Variants in CAMK1D observed in about 807,000 individuals in gnomAD.
The protein encoded by CAMK1D is calcium/calmodulin-dependent protein kinase type 1D.
A neutral mutation model predicts 47.7 loss-of-function variants in CAMK1D; 9 were observed. The ratio of observed to expected loss-of-function variants is 0.19; its 90% CI spans 0.11 to 0.33. The LOEUF is 0.33. Ranked by LOEUF, CAMK1D falls within the 10% of genes least tolerant of loss-of-function variation. The pLI is 1.00. For missense variants in CAMK1D, 291 were observed against 488.7 expected (o/e 0.60, Z 3.81); for synonymous variants, 184 against 184.9 (o/e 0.99, Z 0.04).
At chr10:12,734,553 T>C (rs898942630) in intron 3 of CAMK1D, among the ~76,000 whole-genome samples, 4 of 147,922 alleles carry the variant, frequency 2.7e-5, no homozygotes, top group African/African-American at 1.0e-4. Context: ...TATATATGTA[T>C]ATATATACAC....
At chr10:12,721,474 G>A (rs901880621) in intron 3 of CAMK1D, among the ~76,000 whole-genome samples, 15 of 152,022 alleles carry the variant, frequency 9.9e-5, no homozygotes, top group African/African-American at 3.6e-4. Flanking sequence ...ATGGCTCCAA[G>A]CTTCAAAATT....
chr10:12,786,715 T>C (rs975889436), intron 5 of CAMK1D, among the ~76,000 whole-genome samples: 9 of 152,224 alleles, frequency 5.9e-5, no homozygotes, highest in Non-Finnish European at 1.2e-4. Context: ...AGCCACTACA[T>C]GTAGCCCAGG....
chr10:12,727,017 A>G (rs1325316243), intron 3 of CAMK1D, among the ~76,000 whole-genome samples: 2 of 152,196 alleles, frequency 1.3e-5, no homozygotes, highest in South Asian at 2.1e-4. Flanking sequence ...CCCCACACCC[A>G]GGCTCCCCTT....
intron 1 of CAMK1D, among the ~76,000 whole-genome samples, chr10:12,538,088 G>T (rs548165964): frequency 6.6e-6 from 1 of 152,118 alleles, no homozygotes; most frequent in Non-Finnish European, 1.5e-5. Context: ...GATCTTTCCT[G>T]TTCTGCGCAC....
chr10:12,674,962 TG>T (rs1186098656), intron 3 of CAMK1D, among the ~76,000 whole-genome samples: 1 of 138,022 alleles, frequency 7.2e-6, no homozygotes, highest in Non-Finnish European at 1.5e-5. Flanking sequence ...ACCTGGGAGG[TG>T]GAGGTTGCAG....
At chr10:12,478,610 G>T (rs1021097615) in intron 1 of CAMK1D, among the ~76,000 whole-genome samples, 1 of 152,084 alleles carries the variant, frequency 6.6e-6, no homozygotes, top group Non-Finnish European at 1.5e-5. Flanking sequence ...GTAATACGGG[G>T]TGCACTTTTA....
chr10:12,819,415 G>A (rs373947342), intron 8 of CAMK1D, among the ~76,000 whole-genome samples: 1 of 152,344 alleles, frequency 6.6e-6, no homozygotes, highest in African/African-American at 2.4e-5. Flanking sequence ...GCAGGAACTG[G>A]CAGGCAGGGC....
intron 3 of CAMK1D, among the ~76,000 whole-genome samples, chr10:12,734,570 G>A (rs12245302): frequency 2.8e-5 from 4 of 143,870 alleles, no homozygotes; most frequent in Admixed American, 7.0e-5. Flanking sequence ...ACACATATGT[G>A]TATATATATA....
chr10:12,469,568 A>G (rs1466888727), intron 1 of CAMK1D, among the ~76,000 whole-genome samples: 2 of 152,204 alleles, frequency 1.3e-5, no homozygotes. Flanking sequence ...TAATTCATAA[A>G]CACATAACTA....
At chr10:12,756,101 A>G (rs1234797775) in intron 3 of CAMK1D, among the ~76,000 whole-genome samples, 1 of 152,212 alleles carries the variant, frequency 6.6e-6, no homozygotes, top group African/African-American at 2.4e-5. Context: ...CTGCTCTCAC[A>G]GCATTGTACT....
intron 6 of CAMK1D, among the ~76,000 whole-genome samples, chr10:12,796,262 G>A (rs545521341): frequency 1.2e-4 from 18 of 152,286 alleles, no homozygotes; most frequent in Admixed American, 3.9e-4. Context: ...CAGGCTGGAC[G>A]GGTGGGCTGA....
At position 12,410,301 on chromosome 10, in the gene CAMK1D, C is replaced by CTG. The variant is rs374152730; in HGVS notation, c.92+60393_92+60394dup. On this transcript the variant is annotated intron_variant, in intron 1 of 10. Transcript: ENST00000619168. ...TCTCTTTCTGTGTGTGTGTGTAACTCTGTATTTTCTTGAGTGTGTATCTCT... is the reference window on the plus strand; with the variant it reads ...TCTCTTTCTGTGTGTGTGTGTAACTCTGTGTATTTTCTTGAGTGTGTATCTCT... Among the ~76,000 whole-genome samples the CTG allele has an allele frequency of 1.1e-3, 163 of 152,258 alleles. 1 individual carries two copies. The highest frequency in any genetic ancestry group is 3.7e-3 in the African/African-American group (154 of 41,570).
chr10:12,823,747 C>T (rs964354444), intron 8 of CAMK1D, among the ~76,000 whole-genome samples: 3 of 151,932 alleles, frequency 2.0e-5, no homozygotes, highest in Non-Finnish European at 2.9e-5. Flanking sequence ...GGGTGGACGC[C>T]GTCCTTGAAG....
At chr10:12,484,218 C>G (rs1205798951) in intron 1 of CAMK1D, among the ~76,000 whole-genome samples, 1 of 152,192 alleles carries the variant, frequency 6.6e-6, no homozygotes, top group Non-Finnish European at 1.5e-5. Context: ...CTCCTCCCTG[C>G]TTTCAGCTTC....
intron 2 of CAMK1D, among the ~76,000 whole-genome samples, chr10:12,583,080 C>T (rs564954987): frequency 2.6e-5 from 4 of 151,966 alleles, no homozygotes; most frequent in South Asian, 2.1e-4. Context: ...TGTGAAAGAA[C>T]GAGATTCTGT....
chr10:12,419,379 G>A (rs944062774), intron 1 of CAMK1D, among the ~76,000 whole-genome samples: 3 of 152,226 alleles, frequency 2.0e-5, no homozygotes, highest in Middle Eastern at 3.4e-3. Flanking sequence ...TGAACACTGC[G>A]CAGTAACATT....
chr10:12,636,617 T>A (rs984171123), intron 2 of CAMK1D, among the ~76,000 whole-genome samples: 1 of 152,198 alleles, frequency 6.6e-6, no homozygotes, highest in Non-Finnish European at 1.5e-5. Context: ...CCTGAGCCAC[T>A]GTGCCTGGCC....
intron 3 of CAMK1D, among the ~76,000 whole-genome samples, chr10:12,703,971 G>T (rs1295997295): frequency 6.6e-6 from 1 of 152,064 alleles, no homozygotes; most frequent in Non-Finnish European, 1.5e-5. Context: ...TTCCATAGAT[G>T]AATCATGCAG....
intron 1 of CAMK1D, among the ~76,000 whole-genome samples, chr10:12,353,827 T>C (rs2801501): frequency 0.49 from 74,554 of 151,618 alleles, 19,165 homozygotes; most frequent in Non-Finnish European, 0.57. Flanking sequence ...ATAAATGTTA[T>C]GTAATGGCAA....
Sources: gnomAD v4.1 joint callset for allele counts (sites outside exome capture counted in the v4.1 genomes callset) on GRCh38, gnomAD v4.1.1 for gene constraint, MANE v1.5 for transcripts, NCBI Gene and HGNC (gene_info 2026-07-23, HGNC 2026-07-21) for gene names.